The following ARMCX4 variants were observed in gnomAD, a reference collection of about 807,000 sequenced individuals.
ARMCX4 encodes armadillo repeat-containing X-linked protein 4.
ARMCX4 carries 3 observed loss-of-function variants against 34.7 expected under a neutral mutation model. The observed-to-expected ratio is 0.09, with a 90% CI of 0.04 to 0.22. The LOEUF is 0.22. Among genes scored for constraint, ARMCX4 ranks in the 10% least tolerant of loss-of-function variants. The pLI is 1.00. For synonymous variants in ARMCX4, 513 were observed against 632.8 expected, an observed-to-expected ratio of 0.81 and a Z score of 2.84; for missense variants, 1,448 against 1,720.8, an observed-to-expected ratio of 0.84 and a Z score of 2.81.
chrX:101,461,522 G>A (rs1365380468), intron 4 of ARMCX4, among the ~76,000 whole-genome samples: 1 of 111,759 alleles, frequency 8.9e-6, no homozygotes, highest in African/African-American at 3.2e-5. Flanking sequence ...TGTGAGCATG[G>A]GTGTGCAAAT....
rs1484352057 is a variant in ARMCX4 at position 101,492,220 on chromosome X, G to T, written c.3631G>T (p.Ala1211Ser). Residue 1211 changes from alanine to serine, a missense_variant, in exon 6 of 6, where the codon GCC becomes TCC. Coordinates refer to ENST00000423738, the MANE Select transcript of ARMCX4 (RefSeq NM_001256155.3). ...TWAGDKASGG[A>S]WTGAENQASG... Reference sequence around the variant, plus strand: ...GGCTGGGGACAAGGCCAGTGGAGGAGCCTGGACTGGGGCTGAGAACCAGGC... The same window carrying T: ...GGCTGGGGACAAGGCCAGTGGAGGATCCTGGACTGGGGCTGAGAACCAGGC... 4 of 1,136,962 alleles carry T rather than the reference G, an allele frequency of 3.5e-6. No individual in the cohort carries two copies. The Admixed American group carries it at 8.1e-5, about 23-fold the overall frequency. The allele number at this position is 1,136,962 out of a possible 1,213,427, so 93.7% of individuals were successfully genotyped here. A position where few individuals can be genotyped will look rare whatever the true frequency, so the allele number is the denominator to read the frequency against.
intron 4 of ARMCX4, among the ~76,000 whole-genome samples, chrX:101,475,142 CTA>C (rs1402019104): frequency 9.1e-6 from 1 of 109,828 alleles, no homozygotes; most frequent in Admixed American, 9.8e-5. Context: ...AACCTCATCT[CTA>C]TGAAAAATAA....
chrX:101,501,062 A>G (rs1321794369), intron 7 of ARMCX4, among the ~76,000 whole-genome samples: 1 of 112,422 alleles, frequency 8.9e-6, no homozygotes, highest in Non-Finnish European at 1.9e-5. Context: ...AGGGAAGGAC[A>G]AATTAAGGTA....
intron 2 of ARMCX4, among the ~76,000 whole-genome samples, chrX:101,439,769 T>G (rs1286429305): frequency 1.8e-5 from 2 of 110,385 alleles, no homozygotes; most frequent in East Asian, 5.7e-4. Flanking sequence ...TTGATCGAAT[T>G]GGCTACTGAG....
chrX:101,436,522 T>C (rs1375675767), intron 2 of ARMCX4, among the ~76,000 whole-genome samples: 1 of 111,791 alleles, frequency 8.9e-6, no homozygotes, highest in Non-Finnish European at 1.9e-5. Context: ...TGAAGTTGCC[T>C]GTCAGCTTAA....
At chrX:101,423,011 G>C (rs1156787517) in intron 2 of ARMCX4, among the ~76,000 whole-genome samples, 1 of 110,576 alleles carries the variant, frequency 9.0e-6, no homozygotes, top group Non-Finnish European at 1.9e-5. Flanking sequence ...CTGGGCTCAA[G>C]CGATTCTCCT....
intron 12 of ARMCX4, chrX:101,532,573 C>T (rs1188530493): frequency 2.7e-5 from 3 of 111,095 alleles, no homozygotes; most frequent in African/African-American, 9.8e-5. Context: ...TGGGGCACCT[C>T]CTAGTACTGC....
chrX:101,468,635 A>G, intron 4 of ARMCX4, among the ~76,000 whole-genome samples: 1 of 106,635 alleles, frequency 9.4e-6, no homozygotes, highest in Non-Finnish European at 1.9e-5. Context: ...TTTTTTTGAG[A>G]TGGAGTCTCG....
chrX:101,494,692 G>A lies in ARMCX4; in HGVS notation c.6103G>A (p.Glu2035Lys). The change falls in exon 6 of 6, where the codon GAA becomes AAA. Residue 2035 changes from glutamate (E) to lysine (K), a missense_variant. Glu to Lys is a moderately conservative substitution (Grantham distance 56). Around this residue, in one of 2 missense-constraint regions of ARMCX4, gnomAD observed 1,343 missense variants for 1,540.7 expected, o/e 0.87. Transcript: ENST00000423738. ...TRPWSCRCKH[E>K]ANMDPRDLEK... The stretch of plus-strand genomic sequence containing the variant: ...GCCCTGGTCTTGCCGCTGTAAACAC[G>A]AAGCTAATATGGATCCACGAGATCT... The A allele has an allele frequency of 2.6e-6, 3 of 1,155,719 alleles. No homozygotes were observed. The highest frequency in any genetic ancestry group is 3.4e-6 in the Non-Finnish European group (3 of 872,769).
At chrX:101,487,456 G>T (rs1556007148) in intron 3 of ARMCX4, among the ~76,000 whole-genome samples, 152 bp from the exon 4 acceptor site, 1 of 106,274 alleles carries the variant, frequency 9.4e-6, no homozygotes, top group Non-Finnish European at 1.9e-5. Flanking sequence ...ATGACTGGGG[G>T]AAGACTTGAT....
intron 2 of ARMCX4, among the ~76,000 whole-genome samples, chrX:101,432,775 C>G (rs1212488939): frequency 3.1e-5 from 2 of 65,538 alleles, no homozygotes; most frequent in Admixed American, 1.6e-4. Context: ...TATATGTATA[C>G]ATATATGTAT....
chrX:101,497,920 G>A, downstream of ARMCX4, among the ~76,000 whole-genome samples: 1 of 111,611 alleles, frequency 9.0e-6, no homozygotes, highest in Non-Finnish European at 1.9e-5. Context: ...GGAATGAAAA[G>A]CTTATTATTT....
intron 2 of ARMCX4, among the ~76,000 whole-genome samples, chrX:101,441,671 G>A (rs1157321707): frequency 1.8e-5 from 2 of 111,444 alleles, no homozygotes; most frequent in Admixed American, 9.6e-5. Flanking sequence ...GGGAGGTAGA[G>A]TAGGCAGGCC....
chrX:101,467,670 G>A (rs1033900940), intron 4 of ARMCX4, among the ~76,000 whole-genome samples: 1 of 111,691 alleles, frequency 9.0e-6, no homozygotes, highest in Non-Finnish European at 1.9e-5. Flanking sequence ...TTCATGGTGG[G>A]GGGGGGACGG....
chrX:101,529,054 G>A (rs1269856355), intron 11 of ARMCX4, among the ~76,000 whole-genome samples: 3 of 111,343 alleles, frequency 2.7e-5, no homozygotes, highest in African/African-American at 9.8e-5. Flanking sequence ...GAACAAAGCT[G>A]GAGGTATCAC....
downstream of ARMCX4, among the ~76,000 whole-genome samples, chrX:101,535,922 T>A (rs782579439): frequency 6.8e-4 from 76 of 111,557 alleles, no homozygotes; most frequent in African/African-American, 2.3e-3. Context: ...GAACTCTGCC[T>A]CTGAAATGTA....
At chrX:101,525,897 C>T (rs185938646) in intron 11 of ARMCX4, among the ~76,000 whole-genome samples, 4 of 111,600 alleles carry the variant, frequency 3.6e-5, no homozygotes, top group Admixed American at 9.5e-5. Context: ...GAACCAAGTT[C>T]GAAAACACTC....
chrX:101,435,165 G>T (rs1255379547), intron 2 of ARMCX4, among the ~76,000 whole-genome samples: 3 of 111,741 alleles, frequency 2.7e-5, no homozygotes, highest in African/African-American at 9.8e-5. Flanking sequence ...TAATGGGATT[G>T]CTGGGTCAAA....
At chrX:101,526,638 G>A (rs1445009927) in intron 11 of ARMCX4, among the ~76,000 whole-genome samples, 11 of 111,681 alleles carry the variant, frequency 9.8e-5, no homozygotes, top group African/African-American at 3.6e-4. Context: ...GATGGATGAA[G>A]ATCTACCAAG....
Sources: allele counts gnomAD v4.1 joint callset (sites outside exome capture counted in the v4.1 genomes callset), GRCh38; gene constraint gnomAD v4.1.1; regional missense constraint gnomAD v4.1.1; transcripts MANE v1.5; gene names NCBI Gene and HGNC (gene_info 2026-07-23, HGNC 2026-07-21).